TRIM9: variants seen among roughly 807,000 people sequenced by gnomAD.
TRIM9 encodes E3 ubiquitin-protein ligase TRIM9.
Under a neutral mutation model 78.3 loss-of-function variants are expected in TRIM9, and 26 were observed. The observed-to-expected ratio is 0.33, with a 90% confidence interval of 0.24 to 0.46. The LOEUF (loss-of-function observed/expected upper bound fraction) is 0.46. Ranked by LOEUF, TRIM9 falls within the 20% of genes least tolerant of loss-of-function variation. The pLI is 1.00. For synonymous variants in TRIM9, 398 were observed against 416.5 expected (o/e 0.96, Z 0.54); for missense variants, 787 against 1,036.4 (o/e 0.76, Z 3.30).
At chr14:51,075,203 T>A (rs1412193028) in intron 1 of TRIM9, among the ~76,000 whole-genome samples, 1 of 152,156 alleles carries the variant, frequency 6.6e-6, no homozygotes, top group African/African-American at 2.4e-5. Context: ...AATAGGGACC[T>A]CAAATTGCAT....
chr14:51,015,505 C>CTTTTCTTTTTTTTTTTTTTTTTTTTT (rs1555338411), intron 3 of TRIM9, among the ~76,000 whole-genome samples: 1 of 61,330 alleles, frequency 1.6e-5, no homozygotes, highest in African/African-American at 6.8e-5. Context: ...CTTTACTTTT[C>CTTTTCTTTTTTTTTTTTTTTTTTTTT]TTTTTTTTTT....
At chr14:51,093,970 A>G (rs965703515) in intron 1 of TRIM9, 148 bp downstream of exon 1, 8 of 736,384 alleles carry the variant, frequency 1.1e-5, no homozygotes, top group Non-Finnish European at 1.6e-5. Context: ...TGCCTCCTGC[A>G]ATGCACCAGA....
intron 6 of TRIM9, 45 bp from the exon 7 acceptor site, chr14:50,998,233 C>T (rs1236343154): frequency 3.2e-6 from 5 of 1,586,940 alleles, no homozygotes; most frequent in Admixed American, 1.7e-5. Flanking sequence ...CTGCCCCCTT[C>T]TGAGGGGCGA....
At chr14:51,048,403 GT>G (rs1364504188) in intron 1 of TRIM9, among the ~76,000 whole-genome samples, 1 of 152,220 alleles carries the variant, frequency 6.6e-6, no homozygotes, top group African/African-American at 2.4e-5. Context: ...TGCTGAGTAA[GT>G]GTTTCTTTAT....
At chr14:51,077,458 T>C (rs1425999977) in intron 1 of TRIM9, among the ~76,000 whole-genome samples, 2 of 134,446 alleles carry the variant, frequency 1.5e-5, no homozygotes, top group Non-Finnish European at 3.1e-5. Context: ...AGTGGCACAA[T>C]CTCAGCTCAC....
At chr14:51,046,792 G>C (rs1009606140) in intron 1 of TRIM9, among the ~76,000 whole-genome samples, 2 of 152,210 alleles carry the variant, frequency 1.3e-5, no homozygotes, top group Non-Finnish European at 2.9e-5. Context: ...TCTTAGTAAA[G>C]TGGAATAACA....
chr14:51,069,863 A>G (rs2062062937), intron 1 of TRIM9, among the ~76,000 whole-genome samples: 1 of 152,196 alleles, frequency 6.6e-6, no homozygotes, highest in African/African-American at 2.4e-5. Flanking sequence ...AAATACAGTC[A>G]ATCTCTATTA....
At chr14:51,016,787 T>C (rs923551941) in intron 3 of TRIM9, among the ~76,000 whole-genome samples, 27 of 152,116 alleles carry the variant, frequency 1.8e-4, no homozygotes, top group African/African-American at 5.5e-4. Flanking sequence ...GGACCAGTGG[T>C]TTAAGGAATA....
At chr14:51,092,091 T>C (rs1255828514) in intron 1 of TRIM9, among the ~76,000 whole-genome samples, 1 of 152,226 alleles carries the variant, frequency 6.6e-6, no homozygotes, top group African/African-American at 2.4e-5. Context: ...GGATACTTTG[T>C]AGGGCAATTC....
chr14:51,081,841 A>C (rs2063333698), intron 1 of TRIM9, among the ~76,000 whole-genome samples: 1 of 152,224 alleles, frequency 6.6e-6, no homozygotes, highest in African/African-American at 2.4e-5. Flanking sequence ...TACTAGGGGA[A>C]GGGTGGCGCT....
At chr14:51,072,273 A>G (rs1231689152) in intron 1 of TRIM9, among the ~76,000 whole-genome samples, 1 of 152,170 alleles carries the variant, frequency 6.6e-6, no homozygotes, top group Admixed American at 6.5e-5. Context: ...ATTTTACTAC[A>G]TTAAAAAAAA....
chr14:51,003,420 T>G (rs10483606), intron 5 of TRIM9, among the ~76,000 whole-genome samples: 50,038 of 152,014 alleles, frequency 0.33, 9,094 homozygotes, highest in South Asian at 0.55. Flanking sequence ...ATGTTTCAGG[T>G]AAGTCTACAT....
chr14:51,002,328 G>T (rs1412016849), intron 5 of TRIM9, among the ~76,000 whole-genome samples: 20 of 151,838 alleles, frequency 1.3e-4, no homozygotes, highest in African/African-American at 4.6e-4. Context: ...TAGAGACGGG[G>T]TTTCACCGTG....
At chr14:51,007,086 G>C (rs1405148795) in intron 5 of TRIM9, among the ~76,000 whole-genome samples, 1 of 152,108 alleles carries the variant, frequency 6.6e-6, no homozygotes, top group East Asian at 1.9e-4. Flanking sequence ...GATGATTAAA[G>C]CATTTCAAAA....
intron 1 of TRIM9, among the ~76,000 whole-genome samples, chr14:51,034,873 C>G (rs1270722207): frequency 6.6e-6 from 1 of 152,118 alleles, no homozygotes; most frequent in Non-Finnish European, 1.5e-5. Context: ...TTGTCCTATT[C>G]TATCACCTAT....
chr14:51,068,110 A>G (rs1249228894), intron 1 of TRIM9, among the ~76,000 whole-genome samples: 1 of 152,200 alleles, frequency 6.6e-6, no homozygotes, highest in Non-Finnish European at 1.5e-5. Flanking sequence ...ATAGGTCTGG[A>G]GTGGCTCCTA....
chr14:50,998,250 C>G (rs186521605), intron 6 of TRIM9, 62 bp from the exon 7 acceptor site: 71 of 1,511,212 alleles, frequency 4.7e-5, no homozygotes, highest in Non-Finnish European at 6.2e-5. Context: ...GCGAGGGAGG[C>G]AGTGTCGCTC....
chr14:51,060,147 G>T (rs190213070), intron 1 of TRIM9, among the ~76,000 whole-genome samples: 362 of 152,270 alleles, frequency 2.4e-3, no homozygotes, highest in African/African-American at 8.5e-3. Flanking sequence ...ACAGACTGTA[G>T]TTGGCTTCTA....
chr14:51,014,792 GT>G (rs1277806729), intron 3 of TRIM9, among the ~76,000 whole-genome samples: 1 of 152,240 alleles, frequency 6.6e-6, no homozygotes, highest in Admixed American at 6.5e-5. Flanking sequence ...CCTCACTGTT[GT>G]CTTTGAATGA....
Sources: allele counts gnomAD v4.1 joint callset (sites outside exome capture counted in the v4.1 genomes callset), GRCh38; gene constraint gnomAD v4.1.1; transcripts MANE v1.5; gene names NCBI Gene and HGNC (gene_info 2026-07-23, HGNC 2026-07-21).